The following WWC1 variants were observed in gnomAD, a reference collection of about 807,000 sequenced individuals.
WWC1 encodes the protein protein KIBRA.
Under a neutral mutation model 138.4 loss-of-function variants are expected in WWC1, and 55 were observed. That is an observed-to-expected ratio of 0.40 (90% CI 0.32 to 0.50). WWC1 has a LOEUF of 0.50. Ranked by LOEUF, WWC1 falls within the 20% of genes least tolerant of loss-of-function variation. WWC1 has a pLI of 0.72. For synonymous variants in WWC1, 524 were observed against 564.9 expected, an observed-to-expected ratio of 0.93 and a Z score of 1.03; for missense variants, 1,226 against 1,420.4, an observed-to-expected ratio of 0.86 and a Z score of 2.20.
chr5:168,465,125 G>A (rs554876842), intron 21 of WWC1, among the ~76,000 whole-genome samples, 163 bp downstream of exon 21: 1 of 152,336 alleles, frequency 6.6e-6, no homozygotes, highest in East Asian at 1.9e-4. Context: ...TCAGGAGAGG[G>A]ATCCAGGAAT....
chr5:168,468,235 G>A (rs145851674), intron 22 of WWC1, among the ~76,000 whole-genome samples: 82 of 152,344 alleles, frequency 5.4e-4, no homozygotes, highest in African/African-American at 1.8e-3. Flanking sequence ...GCCTTTCCTC[G>A]TAGTGTTTTC....
chr5:168,428,704 C>G lies in WWC1; in HGVS notation c.1920-3C>G, dbSNP rs1369343464. On this transcript the variant is annotated splice_region_variant and splice_polypyrimidine_tract_variant and intron_variant, in intron 12 of 22. Coordinates refer to ENST00000265293, the MANE Select transcript of WWC1 (RefSeq NM_015238.3). ...TAACTCCTCCTCCCCTGTTGCCTTT[C>G]AGACTGGGTGCTTCAGAAGCTGCTG... 15 of 1,613,938 alleles carry G rather than the reference C, an allele frequency of 9.3e-6. No homozygotes were observed. The highest frequency in any genetic ancestry group is 1.2e-5 in the Non-Finnish European group (14 of 1,179,906).
intron 1 of WWC1, among the ~76,000 whole-genome samples, chr5:168,298,978 AGGAG>A (rs1323816104): frequency 6.6e-6 from 1 of 152,154 alleles, no homozygotes; most frequent in Non-Finnish European, 1.5e-5. Flanking sequence ...CCAGCTACTC[AGGAG>A]GCTGAGACAG....
At chr5:168,461,527 C>G (rs193244353) in intron 20 of WWC1, among the ~76,000 whole-genome samples, 4 of 152,262 alleles carry the variant, frequency 2.6e-5, no homozygotes, top group African/African-American at 7.2e-5. Flanking sequence ...GCGGGAAGCC[C>G]ACAGGGAAGA....
chr5:168,339,959 C>T (rs1434818076), intron 1 of WWC1, among the ~76,000 whole-genome samples: 1 of 91,778 alleles, frequency 1.1e-5, no homozygotes, highest in Non-Finnish European at 1.9e-5. Context: ...CCCTCTCCCT[C>T]TCTCTCTCTG....
chr5:168,449,917 G>A (rs1343254119), intron 17 of WWC1, among the ~76,000 whole-genome samples: 1 of 152,202 alleles, frequency 6.6e-6, no homozygotes, highest in Non-Finnish European at 1.5e-5. Context: ...TGGGGCCAAG[G>A]AGGAGAGCCA....
At chr5:168,369,284 CT>C (rs1202898614) in intron 1 of WWC1, among the ~76,000 whole-genome samples, 2 of 152,206 alleles carry the variant, frequency 1.3e-5, no homozygotes, top group East Asian at 3.8e-4. Flanking sequence ...AGAGTTAGTA[CT>C]GTCCTCATTA....
At chr5:168,454,557 T>C (rs1245304188) in intron 18 of WWC1, among the ~76,000 whole-genome samples, 1 of 152,200 alleles carries the variant, frequency 6.6e-6, no homozygotes, top group Non-Finnish European at 1.5e-5. Context: ...GCTCCCTGCT[T>C]CCCTGCTGCA....
intron 1 of WWC1, among the ~76,000 whole-genome samples, chr5:168,328,692 A>T (rs759986167): frequency 6.6e-6 from 1 of 152,120 alleles, no homozygotes; most frequent in Non-Finnish European, 1.5e-5. Flanking sequence ...GACTACAAGC[A>T]TGCCCGGCTA....
chr5:168,456,327 A>G (rs1756316121), intron 19 of WWC1, among the ~76,000 whole-genome samples: 1 of 151,524 alleles, frequency 6.6e-6, no homozygotes, highest in Non-Finnish European at 1.5e-5. Context: ...TTTTTAAATT[A>G]AAGGGCAGTT....
intron 1 of WWC1, among the ~76,000 whole-genome samples, chr5:168,352,239 G>T (rs141885721): frequency 6.6e-6 from 1 of 152,182 alleles, no homozygotes; most frequent in Non-Finnish European, 1.5e-5. Context: ...TGGGATGTCC[G>T]TATCAGGTGG....
chr5:168,463,914 A>G (rs1027012628), intron 20 of WWC1, among the ~76,000 whole-genome samples: 1 of 152,166 alleles, frequency 6.6e-6, no homozygotes, highest in African/African-American at 2.4e-5. Context: ...TCCCAGGTTT[A>G]TATCTTGAAG....
At chr5:168,453,823 G>A in intron 17 of WWC1, 145 bp from the exon 18 acceptor site, 1 of 1,436,056 alleles carries the variant, frequency 7.0e-7, no homozygotes, top group Non-Finnish European at 9.2e-7. Context: ...TGGGATTACA[G>A]GTGTGAGCCT....
intron 1 of WWC1, among the ~76,000 whole-genome samples, chr5:168,314,565 C>T (rs1253523121): frequency 1.3e-5 from 2 of 151,612 alleles, no homozygotes; most frequent in African/African-American, 4.8e-5. Context: ...GAAACTCCAT[C>T]TCAAAAAAAG....
intron 1 of WWC1, among the ~76,000 whole-genome samples, chr5:168,350,547 T>C (rs1208179778): frequency 6.6e-6 from 1 of 152,192 alleles, no homozygotes; most frequent in Non-Finnish European, 1.5e-5. Context: ...TGAGCATGCC[T>C]CTTCTGGACT....
At chr5:168,403,679 C>T (rs907430464) in intron 5 of WWC1, among the ~76,000 whole-genome samples, 1 of 152,160 alleles carries the variant, frequency 6.6e-6, no homozygotes, top group Non-Finnish European at 1.5e-5. Flanking sequence ...TCGCCCCTGT[C>T]GGGGGAGGGC....
chr5:168,332,006 C>T (rs1287651110), intron 1 of WWC1, among the ~76,000 whole-genome samples: 2 of 151,904 alleles, frequency 1.3e-5, no homozygotes, highest in Non-Finnish European at 2.9e-5. Context: ...ATTAGCCGGG[C>T]GTGGTGGTAC....
intron 1 of WWC1, among the ~76,000 whole-genome samples, chr5:168,356,146 T>C (rs1775395794): frequency 6.6e-6 from 1 of 152,242 alleles, no homozygotes; most frequent in African/African-American, 2.4e-5. Flanking sequence ...TGTCTGGTGC[T>C]CTACCCAATT....
intron 2 of WWC1, among the ~76,000 whole-genome samples, chr5:168,378,483 T>C (rs1003032196): frequency 3.3e-5 from 5 of 152,232 alleles, no homozygotes; most frequent in African/African-American, 1.2e-4. Flanking sequence ...TGCTTCCTAT[T>C]GCCAACCTTT....
Sources: allele counts gnomAD v4.1 joint callset (sites outside exome capture counted in the v4.1 genomes callset), GRCh38; gene constraint gnomAD v4.1.1; transcripts MANE v1.5; gene names NCBI Gene and HGNC (gene_info 2026-07-23, HGNC 2026-07-21).